The following FTCDNL1 variants were observed in gnomAD, a reference collection of about 807,000 sequenced individuals.
FTCDNL1 encodes the protein formiminotransferase N-terminal subdomain-containing protein.
Under a neutral mutation model 5.9 loss-of-function variants are expected in FTCDNL1, and 11 were observed. That is an observed-to-expected ratio of 1.87 (90% CI 1.18 to 3.10). The LOEUF is 3.10. FTCDNL1 is among the 30% of genes most tolerant of loss of function. FTCDNL1 has a pLI of 0.00. For missense variants in FTCDNL1, 115 were observed against 65.5 expected (o/e 1.76, Z -2.61); for synonymous variants, 58 against 24.8 (o/e 2.34, Z -3.99).
the FTCDNL1 span, among the ~76,000 whole-genome samples, chr2:199,718,974 AT>A: frequency 5.9e-5 from 9 of 151,414 alleles, no homozygotes; most frequent in East Asian, 1.4e-3. Context: ...TAGTTTGCAA[AT>A]TTTTTTTCCC....
At chr2:199,833,800 T>C (rs1436074609) in intron 3 of FTCDNL1, among the ~76,000 whole-genome samples, 1 of 152,174 alleles carries the variant, frequency 6.6e-6, no homozygotes, top group African/African-American at 2.4e-5. Context: ...CTCTCACCAT[T>C]TGCCTGCCAA....
At chr2:199,677,685 A>G in the FTCDNL1 span, among the ~76,000 whole-genome samples, 1 of 152,216 alleles carries the variant, frequency 6.6e-6, no homozygotes. Context: ...AAGAATACAT[A>G]TATAAAGCAA....
chr2:199,752,342 C>A, the FTCDNL1 span, among the ~76,000 whole-genome samples: 1 of 152,212 alleles, frequency 6.6e-6, no homozygotes, highest in Non-Finnish European at 1.5e-5. Context: ...AATTTACACC[C>A]TGTGGTGGTC....
intron 3 of FTCDNL1, among the ~76,000 whole-genome samples, chr2:199,820,642 C>A (rs1701626055): frequency 6.6e-6 from 1 of 152,180 alleles, no homozygotes; most frequent in Non-Finnish European, 1.5e-5. Context: ...TATTTAAACA[C>A]AATTGGAGAT....
At chr2:199,764,308 C>G (rs1698408287) in intron 3 of FTCDNL1, among the ~76,000 whole-genome samples, 1 of 152,188 alleles carries the variant, frequency 6.6e-6, no homozygotes, top group Admixed American at 6.5e-5. Flanking sequence ...TACCCCCATT[C>G]TGCCGATGAA....
the FTCDNL1 span, among the ~76,000 whole-genome samples, chr2:199,741,785 ATAT>A: frequency 6.6e-6 from 1 of 152,184 alleles, no homozygotes; most frequent in Non-Finnish European, 1.5e-5. Flanking sequence ...TCCTCTTGAC[ATAT>A]TAATGCTCTG....
chr2:199,821,943 C>G (rs1701717860), intron 3 of FTCDNL1, among the ~76,000 whole-genome samples: 1 of 152,118 alleles, frequency 6.6e-6, no homozygotes, highest in Admixed American at 6.5e-5. Flanking sequence ...TGATTCCAGA[C>G]CACAGCAATA....
chr2:199,720,872 A>G, the FTCDNL1 span, among the ~76,000 whole-genome samples: 1 of 151,984 alleles, frequency 6.6e-6, no homozygotes, highest in African/African-American at 2.4e-5. Flanking sequence ...GATTGCATCC[A>G]TTTCAGAAAG....
chr2:199,738,958 C>A, the FTCDNL1 span, among the ~76,000 whole-genome samples: 1 of 152,112 alleles, frequency 6.6e-6, no homozygotes, highest in African/African-American at 2.4e-5. Context: ...AGTTAAATTT[C>A]GTAATAGCAC....
chr2:199,717,314 A>G, the FTCDNL1 span, among the ~76,000 whole-genome samples: 1 of 152,122 alleles, frequency 6.6e-6, no homozygotes, highest in African/African-American at 2.4e-5. Flanking sequence ...GTGTCTTTTT[A>G]TAAAGTTGTG....
the FTCDNL1 span, among the ~76,000 whole-genome samples, chr2:199,740,127 A>C: frequency 6.6e-6 from 1 of 152,252 alleles, no homozygotes; most frequent in Non-Finnish European, 1.5e-5. Context: ...GTTCAGAAGA[A>C]TTATAACTGC....
In FTCDNL1 at chr2:199,799,017, T is replaced by C. The variant is rs141521331; in HGVS notation, c.212-38182A>G. Among the ~76,000 whole-genome samples the C allele has an allele frequency of 1.1e-3, 173 of 152,292 alleles. 4 individuals are homozygous for C. The East Asian group carries it at 0.031, about 27-fold the overall frequency. ...CTTGTGGAAAGAAGAGAGATATTTG[T>C]AACAGCTGAAAGGAAATCCTGACAC... On this transcript the variant is annotated intron_variant, in intron 3 of 3. Transcript: ENST00000416668.
At chr2:199,740,403 C>T in the FTCDNL1 span, among the ~76,000 whole-genome samples, 2 of 152,328 alleles carry the variant, frequency 1.3e-5, no homozygotes, top group East Asian at 3.9e-4. Context: ...GTTCTGAGAG[C>T]TCTCCAGAGC....
chr2:199,724,792 T>C, the FTCDNL1 span, among the ~76,000 whole-genome samples: 1 of 152,144 alleles, frequency 6.6e-6, no homozygotes, highest in African/African-American at 2.4e-5. Context: ...TGAGGAGTGT[T>C]TTACTTCCAA....
chr2:199,842,203 G>A (rs1470539789), intron 3 of FTCDNL1, among the ~76,000 whole-genome samples: 2 of 152,078 alleles, frequency 1.3e-5, no homozygotes, highest in Non-Finnish European at 2.9e-5. Context: ...GGGAGGCGGA[G>A]GTTGTAGTGA....
chr2:199,699,982 A>C, the FTCDNL1 span, among the ~76,000 whole-genome samples: 1 of 139,402 alleles, frequency 7.2e-6, no homozygotes, highest in Non-Finnish European at 1.6e-5. Flanking sequence ...CCTCTTGAGA[A>C]CTGGGACAAG....
the FTCDNL1 span, among the ~76,000 whole-genome samples, chr2:199,744,200 C>A: frequency 6.6e-6 from 1 of 152,196 alleles, no homozygotes; most frequent in Non-Finnish European, 1.5e-5. Flanking sequence ...ACACCTCCAA[C>A]CTGAGATGGA....
chr2:199,739,613 G>GT, the FTCDNL1 span, among the ~76,000 whole-genome samples: 1 of 152,056 alleles, frequency 6.6e-6, no homozygotes. Context: ...TTGCTTATTC[G>GT]AACAGCCTCA....
At chr2:199,804,335 C>T (rs542619953), downstream of FTCDNL1, among the ~76,000 whole-genome samples, 31 of 152,170 alleles carry the variant, frequency 2.0e-4, no homozygotes, top group Non-Finnish European at 3.4e-4. Context: ...GGGGGCCTAC[C>T]GCCAGATAAA....
Sources: gnomAD v4.1 joint callset for allele counts (sites outside exome capture counted in the v4.1 genomes callset) on GRCh38, gnomAD v4.1.1 for gene constraint, MANE v1.5 for transcripts, NCBI Gene and HGNC (gene_info 2026-07-23, HGNC 2026-07-21) for gene names.